The following COL15A1 variants were observed in gnomAD, a reference collection of about 807,000 sequenced individuals.
COL15A1 encodes the protein collagen type XV alpha 1 chain, also known as collagen alpha-1(XV) chain.
Under a neutral mutation model 165.9 loss-of-function variants are expected in COL15A1, and 111 were observed. That is an observed-to-expected ratio of 0.67 (90% confidence interval 0.57 to 0.78). The LOEUF is 0.78. Ranked by LOEUF, COL15A1 falls within the 30% of genes least tolerant of loss-of-function variation. The probability of loss-of-function intolerance (pLI) is 0.00; values close to 1 mark genes in which losing one functional copy is unlikely to be tolerated. For synonymous variants in COL15A1, 659 were observed against 674.8 expected (o/e 0.98, Z 0.36); for missense variants, 1,745 against 1,789.7 (o/e 0.98, Z 0.45).
intron 9 of COL15A1, among the ~76,000 whole-genome samples, chr9:99,011,571 T>C (rs1228388896): frequency 6.6e-6 from 1 of 152,098 alleles, no homozygotes; most frequent in African/African-American, 2.4e-5. Context: ...TCACTTTGTT[T>C]TATACATAAC....
intron 16 of COL15A1, among the ~76,000 whole-genome samples, chr9:99,027,516 T>C (rs927048611): frequency 4.6e-5 from 7 of 152,240 alleles, no homozygotes; most frequent in African/African-American, 1.7e-4. Context: ...ACCTACACTC[T>C]TCTTACCTGT....
chr9:99,040,621 C>G lies in COL15A1; in HGVS notation c.2511+65C>G. On this transcript the variant is annotated intron_variant, in intron 23 of 41. Coordinates refer to ENST00000375001, the MANE Select transcript of COL15A1 (RefSeq NM_001855.5). Reference sequence around the variant, plus strand: ...GCTGCGATCATTCTGTTCCTTCCACCTAGAATGGCATTTCCTCCATCTATG... The same window carrying G: ...GCTGCGATCATTCTGTTCCTTCCACGTAGAATGGCATTTCCTCCATCTATG... 3.1e-6 allele frequency: 5 copies of G among 1,613,332 alleles called. No individual in the cohort carries two copies. In the South Asian group the frequency reaches 5.5e-5, roughly 18 times the overall value.
chr9:99,047,942 G>T lies in COL15A1; in HGVS notation c.2735G>T (p.Gly912Val), dbSNP rs766979634. The change falls in exon 28 of 42, where the codon GGT becomes GTT. Residue 912 changes from glycine to valine, a missense_variant and splice_region_variant. Transcript: ENST00000375001. ...KGEFGLPGRP[G>V]RPGLNGLKGT... ...TGAGGTGTCTGCTGTGGGTTCCAGG[G>T]TCGCCCAGGACTGAATGGCCTCAAG... 3.7e-6 allele frequency: 6 copies of T among 1,610,438 alleles called. No individual in the cohort carries two copies. The highest frequency in any genetic ancestry group is 4.2e-6 in the Non-Finnish European group (5 of 1,177,026).
intron 16 of COL15A1, 110 bp from the exon 17 acceptor site, chr9:99,034,439 C>T: frequency 6.9e-7 from 1 of 1,457,708 alleles, no homozygotes; most frequent in Non-Finnish European, 9.2e-7. Context: ...CAGAAAGAGT[C>T]CTATTTTAAT....
At chr9:98,948,131 G>A (rs757806978) in intron 2 of COL15A1, among the ~76,000 whole-genome samples, 3 of 152,116 alleles carry the variant, frequency 2.0e-5, no homozygotes, top group Non-Finnish European at 4.4e-5. Context: ...CCCTCATGCT[G>A]GCTGGGTACA....
At chr9:99,061,097 A>T (rs1366485930) in intron 36 of COL15A1, among the ~76,000 whole-genome samples, 1 of 152,180 alleles carries the variant, frequency 6.6e-6, no homozygotes, top group Non-Finnish European at 1.5e-5. Flanking sequence ...CTTCACAAGG[A>T]TGTCAGGAGT....
At chr9:98,975,202 T>C (rs541787672) in intron 2 of COL15A1, among the ~76,000 whole-genome samples, 1 of 152,256 alleles carries the variant, frequency 6.6e-6, no homozygotes, top group Non-Finnish European at 1.5e-5. Context: ...CTTAGCCTCC[T>C]CTGGCTTTAA....
chr9:99,055,171 T>C lies in COL15A1; in HGVS notation c.3081+20T>C, dbSNP rs781015568. ...TTGAAGGTGAGTATTTCTCTACCAATATTTGGCCTGTGTTTTTCAGGTTTT... is the reference window on the plus strand; with the variant it reads ...TTGAAGGTGAGTATTTCTCTACCAACATTTGGCCTGTGTTTTTCAGGTTTT... On this transcript the variant is annotated intron_variant, in intron 33 of 41. Transcript: ENST00000375001. 1.9e-6 allele frequency: 3 copies of C among 1,609,992 alleles called. No homozygotes were observed. In the Admixed American group the frequency reaches 5.0e-5, roughly 27 times the overall value.
chr9:99,033,916 TCCTCTCCTCTGCTTGGAGCTCACAG>T (rs1231762785), intron 16 of COL15A1, among the ~76,000 whole-genome samples: 1 of 152,042 alleles, frequency 6.6e-6, no homozygotes, highest in African/African-American at 2.4e-5. Flanking sequence ...CCTGCTTTGG[TCCTCTCCTCTGCTTGGAGCTCACAG>T]CCGACTCCTT....
intron 3 of COL15A1, 57 bp from the exon 4 acceptor site, chr9:98,987,237 T>G: frequency 1.3e-6 from 2 of 1,508,798 alleles, no homozygotes; most frequent in African/African-American, 1.4e-5. Context: ...TGTCTTCCAC[T>G]GGCAGTCATG....
chr9:98,953,130 G>T (rs145247604), intron 2 of COL15A1, among the ~76,000 whole-genome samples: 206 of 152,260 alleles, frequency 1.4e-3, no homozygotes, highest in African/African-American at 4.6e-3. Flanking sequence ...TCAATTTAAG[G>T]CATTAATGTC....
Position 99,054,565 on chromosome 9 carries a change from TTTGGTGGCAGG to T in COL15A1, c.2951-9_2952del. The stretch of plus-strand genomic sequence containing the variant: ...TCCATTTTTTTTTAACATGTATGTG[TTTGGTGGCAGG>T]TGTTAAAGGAGAGAAAGGATCCTGG... On this transcript the variant is annotated splice_acceptor_variant and splice_polypyrimidine_tract_variant and coding_sequence_variant and intron_variant, in exon 32 of 42. Transcript: ENST00000375001. LOFTEE classifies it high-confidence loss of function. 6.3e-7 allele frequency: 1 copy of T among 1,599,854 alleles called. No homozygotes were observed. Among genetic ancestry groups the T allele is most frequent in the South Asian group, 1.1e-5 (1 of 88,324 alleles).
intron 2 of COL15A1, among the ~76,000 whole-genome samples, chr9:98,950,779 A>G (rs1238417253): frequency 1.3e-5 from 2 of 151,650 alleles, no homozygotes; most frequent in Admixed American, 6.6e-5. Flanking sequence ...TCATTTCTGT[A>G]TTTTTAGTAG....
chr9:99,015,306 T>G (rs1359654828), intron 9 of COL15A1, 111 bp from the exon 10 acceptor site: 24 of 729,902 alleles, frequency 3.3e-5, no homozygotes, highest in Non-Finnish European at 5.4e-5. Context: ...AAGGGAATCA[T>G]GGAGCCTCCA....
At chr9:99,068,947 G>A (rs1825939805) in intron 41 of COL15A1, among the ~76,000 whole-genome samples, 1 of 152,218 alleles carries the variant, frequency 6.6e-6, no homozygotes, top group Non-Finnish European at 1.5e-5. Flanking sequence ...TCATAGAATT[G>A]TGAGAATAAA....
intron 30 of COL15A1, among the ~76,000 whole-genome samples, chr9:99,050,605 C>T (rs772412437): frequency 1.6e-4 from 24 of 152,244 alleles, no homozygotes; most frequent in Non-Finnish European, 2.9e-4. Context: ...GCCTTGTGTA[C>T]AGGCCTTAGT....
chr9:99,029,548 A>G (rs1588523179), intron 16 of COL15A1, among the ~76,000 whole-genome samples: 2 of 152,260 alleles, frequency 1.3e-5, no homozygotes, highest in African/African-American at 4.8e-5. Flanking sequence ...AAACACTGAA[A>G]TAGTTGCCTA....
intron 2 of COL15A1, among the ~76,000 whole-genome samples, chr9:98,947,260 C>T (rs956184659): frequency 6.6e-6 from 1 of 151,802 alleles, no homozygotes; most frequent in Admixed American, 6.6e-5. Flanking sequence ...CATGGATAAA[C>T]CTTAATACCA....
intron 23 of COL15A1, among the ~76,000 whole-genome samples, chr9:99,041,576 C>T (rs1839407195): frequency 6.6e-6 from 1 of 152,026 alleles, no homozygotes. Flanking sequence ...AGGGAGTCAA[C>T]CTGATGGTGT....
Sources: allele counts gnomAD v4.1 joint callset (sites outside exome capture counted in the v4.1 genomes callset), GRCh38; gene constraint gnomAD v4.1.1; transcripts MANE v1.5; gene names NCBI Gene and HGNC (gene_info 2026-07-23, HGNC 2026-07-21).